Variants in SEPTIN12 observed in about 807,000 individuals in gnomAD.
The protein encoded by SEPTIN12 is septin 12, also known as septin-12.
Under a neutral mutation model 37.7 loss-of-function variants are expected in SEPTIN12, and 42 were observed. That is an observed-to-expected ratio of 1.11 (90% CI 0.87 to 1.44). The LOEUF (loss-of-function observed/expected upper bound fraction) is 1.44, where lower values mean the gene tolerates loss of function less well. Ranked by LOEUF, SEPTIN12 falls within the 40% of genes most tolerant of loss-of-function variation. The probability of loss-of-function intolerance (pLI) is 0.00; values close to 1 mark genes in which losing one functional copy is unlikely to be tolerated. For synonymous variants in SEPTIN12, 254 were observed against 196.7 expected (o/e 1.29, Z -2.44); for missense variants, 613 against 479.2 (o/e 1.28, Z -2.61).
chr16:4,783,802 G>C (rs768481296), intron 5 of SEPTIN12, 36 bp from the exon 6 acceptor site: 13 of 1,606,032 alleles, frequency 8.1e-6, no homozygotes, highest in Non-Finnish European at 1.1e-5. Flanking sequence ...GGTGGCGGTG[G>C]TGGTGAGTGT....
At chr16:4,783,279 C>T (rs371712933) in intron 7 of SEPTIN12, 183 bp downstream of exon 7, 8 of 618,364 alleles carry the variant, frequency 1.3e-5, no homozygotes, top group African/African-American at 9.2e-5. Flanking sequence ...TTCTCCGATT[C>T]TGTGGGTTGT....
intron 8 of SEPTIN12, 92 bp from the exon 9 acceptor site, chr16:4,778,229 CT>C: frequency 2.3e-6 from 3 of 1,320,310 alleles, no homozygotes; most frequent in Non-Finnish European, 3.3e-6. Context: ...TCCCTTAGCC[CT>C]TTTCCCACAT....
intron 5 of SEPTIN12, 26 bp from the exon 6 acceptor site, chr16:4,783,792 G>A: frequency 6.2e-7 from 1 of 1,608,184 alleles, no homozygotes; most frequent in East Asian, 2.2e-5. Context: ...CAGTGATGGG[G>A]GTGGCGGTGG....
chr16:4,784,664 G>A (rs2082414251), intron 4 of SEPTIN12, among the ~76,000 whole-genome samples: 1 of 151,936 alleles, frequency 6.6e-6, no homozygotes, highest in Non-Finnish European at 1.5e-5. Context: ...CAGCTACTCA[G>A]GAGGCTGAGG....
chr16:4,785,795 G>GAAT lies in SEPTIN12; in HGVS notation c.374+11_374+12insATT. 3 of 1,436,612 alleles carry GAAT rather than the reference G, an allele frequency of 2.1e-6. No homozygotes were observed. The highest frequency in any genetic ancestry group is 2.9e-6 in the Non-Finnish European group (3 of 1,038,204). The allele number at this position is 1,436,612 out of a possible 1,614,324, so 89.0% of individuals were successfully genotyped here. A position where few individuals can be genotyped will look rare whatever the true frequency, so the allele number is the denominator to read the frequency against. ...CTCTGCCTAAAAAAAAAAAAAAAGA[G>GAAT]AGAGAACCTACCAGTTGTCATTGTT... On this transcript the variant is annotated intron_variant, in intron 4 of 9. Transcript: ENST00000268231.
At chr16:4,779,068 G>A (rs1292083781) in intron 8 of SEPTIN12, among the ~76,000 whole-genome samples, 2 of 152,024 alleles carry the variant, frequency 1.3e-5, no homozygotes, top group Non-Finnish European at 2.9e-5. Context: ...AACCCAGGAG[G>A]CGGAGGTTGC....
In SEPTIN12 at chr16:4,778,068, G is replaced by A; in HGVS notation, c.875+18C>T. On this transcript the variant is annotated intron_variant, in intron 9 of 9. Transcript: ENST00000268231. ...GCCCCTCGCCAGCCCCCTAGCCCCA[G>A]GCTCCCCACACCCTCACCGGATAAG... 1 of 1,613,876 alleles carries A rather than the reference G, an allele frequency of 6.2e-7. No individual in the cohort carries two copies. The highest frequency in any genetic ancestry group is 2.2e-5 in the East Asian group (1 of 44,894).
Position 4,778,156 on chromosome 16 carries a change from A to T in SEPTIN12, c.824-19T>A. On this transcript the variant is annotated intron_variant, in intron 8 of 9. Coordinates refer to ENST00000268231, the MANE Select transcript of SEPTIN12 (RefSeq NM_144605.5). ...TTCTCCACTGCAAGACATGGGACTCAGTATGGGCGCTGCTTAGTGAGCACT... is the reference window on the plus strand; with the variant it reads ...TTCTCCACTGCAAGACATGGGACTCTGTATGGGCGCTGCTTAGTGAGCACT... The T allele has an allele frequency of 6.2e-7, 1 of 1,614,022 alleles. No homozygotes were observed. Among genetic ancestry groups the T allele is most frequent in the Non-Finnish European group, 8.5e-7 (1 of 1,179,900 alleles).
Position 4,783,467 on chromosome 16 carries a change from A to G in SEPTIN12, c.721T>C (p.Leu241=). 6.2e-7 allele frequency: 1 copy of G among 1,613,798 alleles called. No individual in the cohort carries two copies. Among genetic ancestry groups the G allele is most frequent in the African/African-American group, 1.3e-5 (1 of 75,056 alleles). Residue 241 remains leucine, a synonymous_variant, in exon 7 of 10, where the codon TTA becomes CTA. Coordinates refer to ENST00000268231, the MANE Select transcript of SEPTIN12 (RefSeq NM_144605.5). ...CCCGCCCCACAGCCTCTCACCCGTA[A>G]CTTGCTGTTGAGGATTTTGTCATTG... ...DINDKILNSK[L]RDRIPFAVVG... is the part of the protein sequence containing the mutation.
intron 4 of SEPTIN12, among the ~76,000 whole-genome samples, chr16:4,785,548 T>C (rs917261049): frequency 6.6e-6 from 1 of 150,416 alleles, no homozygotes; most frequent in Non-Finnish European, 1.5e-5. Context: ...CCGAGGCGGG[T>C]GGATCATCTG....
Position 4,777,672 on chromosome 16 carries a change from T to C in SEPTIN12, c.*125A>G, listed in dbSNP as rs971674673. On this transcript the variant is annotated 3_prime_UTR_variant, in exon 10 of 10. Coordinates refer to ENST00000268231, the MANE Select transcript of SEPTIN12 (RefSeq NM_144605.5). The stretch of plus-strand genomic sequence containing the variant: ...AAGAAGTCATTTACAAAATGCCTTT[T>C]GTTTTCAAAGCACAGCTTTTCATAA... 1.8e-5 allele frequency: 14 copies of C among 761,732 alleles called. No homozygotes were observed. The highest frequency in any genetic ancestry group is 2.7e-5 in the Non-Finnish European group (13 of 480,070). The allele number at this position is 761,732 out of a possible 1,614,324, so 47.2% of individuals were successfully genotyped here.
At chr16:4,790,921 G>T (rs879356939), upstream of SEPTIN12, among the ~76,000 whole-genome samples, 1 of 152,248 alleles carries the variant, frequency 6.6e-6, no homozygotes, top group Non-Finnish European at 1.5e-5. Flanking sequence ...GTTGTCCAAG[G>T]TGAAATCTTG....
chr16:4,784,212 T>G, intron 4 of SEPTIN12, 144 bp from the exon 5 acceptor site: 2 of 769,454 alleles, frequency 2.6e-6, no homozygotes, highest in South Asian at 1.6e-5. Context: ...CCCCGGTACT[T>G]TCCCCCACTT....
rs768052740 is a variant in SEPTIN12 at position 4,787,635 on chromosome 16, A to AG, written c.10dup (p.Leu4ProfsTer30). The AG allele has an allele frequency of 6.3e-7, 1 of 1,587,852 alleles. No homozygotes were observed. The highest frequency in any genetic ancestry group is 1.7e-5 in the Admixed American group (1 of 59,136). ...CAGGCAGGGAGAGGGGGAGCGCCTC[A>AG]GGGGGTCCATGGGGGCCAAGGGTTC... On this transcript the variant is annotated frameshift_variant, in exon 2 of 10. Coordinates refer to ENST00000268231, the MANE Select transcript of SEPTIN12 (RefSeq NM_144605.5). LOFTEE classifies it high-confidence loss of function.
At chr16:4,790,615 C>T (rs921908045), upstream of SEPTIN12, among the ~76,000 whole-genome samples, 2 of 152,124 alleles carry the variant, frequency 1.3e-5, no homozygotes, top group Non-Finnish European at 2.9e-5. Flanking sequence ...TGGCGAAACC[C>T]CATCTCTACT....
At chr16:4,789,774 T>C (rs966780057), upstream of SEPTIN12, among the ~76,000 whole-genome samples, 3 of 152,164 alleles carry the variant, frequency 2.0e-5, no homozygotes, top group African/African-American at 4.8e-5. Context: ...AGCTGTTTCT[T>C]ATACCAAGTC....
intron 8 of SEPTIN12, among the ~76,000 whole-genome samples, chr16:4,778,805 A>AAT (rs1555487846): frequency 2.7e-5 from 4 of 149,712 alleles, no homozygotes; most frequent in Non-Finnish European, 5.9e-5. Flanking sequence ...GTCTCAAAAA[A>AAT]ATATATATAT....
In SEPTIN12 at chr16:4,779,754, G is replaced by C. The variant is rs777912975; in HGVS notation, c.759C>G (p.Asp253Glu). 3 of 1,613,642 alleles carry C rather than the reference G, an allele frequency of 1.9e-6. No individual in the cohort carries two copies. Among genetic ancestry groups the C allele is most frequent in the Non-Finnish European group, 2.5e-6 (3 of 1,179,596 alleles). The change falls in exon 8 of 10, where the codon GAC becomes GAG. Residue 253 changes from aspartate (D) to glutamate (E), a missense_variant. Physicochemically the swap from Asp to Glu is conservative, Grantham distance 45. Transcript: ENST00000268231. ...ACCTCCCGTTCACCAGGTGCTCTTG[G>C]TCAGCCCCTACCACGGCAAAAGGGA... is the stretch of plus-strand genomic sequence containing the variant. ...DRIPFAVVGA[D>E]QEHLVNGRCV...
At position 4,778,148 on chromosome 16, in the gene SEPTIN12, T is replaced by A. The variant is rs746806120; in HGVS notation, c.824-11A>T. 6 of 1,614,038 alleles carry A rather than the reference T, an allele frequency of 3.7e-6. No homozygotes were observed. In the Admixed American group the frequency reaches 8.3e-5, roughly 22 times the overall value. ...GCGCCATGTTCTCCACTGCAAGACA[T>A]GGGACTCAGTATGGGCGCTGCTTAG... On this transcript the variant is annotated splice_polypyrimidine_tract_variant and intron_variant, in intron 8 of 9. Transcript: ENST00000268231.
Sources: gnomAD v4.1 joint callset for allele counts (sites outside exome capture counted in the v4.1 genomes callset) on GRCh38, gnomAD v4.1.1 for gene constraint, MANE v1.5 for transcripts, NCBI Gene and HGNC (gene_info 2026-07-23, HGNC 2026-07-21) for gene names.